CRTAP: variants seen among roughly 807,000 people sequenced by gnomAD.
The protein encoded by CRTAP is cartilage associated protein, also known as cartilage-associated protein.
A neutral mutation model predicts 42.7 loss-of-function variants in CRTAP; 33 were observed. That is an observed-to-expected ratio of 0.77 (90% CI 0.59 to 1.03). The LOEUF is 1.03. Ranked by LOEUF, CRTAP falls within the 50% of genes least tolerant of loss-of-function variation. The pLI, the probability that CRTAP is intolerant of heterozygous loss-of-function variation, is 0.00. For missense variants in CRTAP, 613 were observed against 533.9 expected (o/e 1.15, Z -1.46); for synonymous variants, 243 against 217.7 (o/e 1.12, Z -1.02).
chr3:33,130,555 CAG>C (rs1413672332), intron 4 of CRTAP, among the ~76,000 whole-genome samples: 1 of 80,580 alleles, frequency 1.2e-5, no homozygotes, highest in Non-Finnish European at 2.2e-5. Context: ...TTTTTTGAGA[CAG>C]AGTCTTGCTC....
intron 3 of CRTAP, among the ~76,000 whole-genome samples, chr3:33,126,202 G>A (rs1246475975): frequency 4.6e-5 from 7 of 152,174 alleles, no homozygotes; most frequent in Non-Finnish European, 7.3e-5. Flanking sequence ...GATACATCAC[G>A]TAAGTGGAGT....
intron 1 of CRTAP, among the ~76,000 whole-genome samples, chr3:33,116,078 A>G (rs1469867094): frequency 6.6e-6 from 1 of 152,218 alleles, no homozygotes; most frequent in African/African-American, 2.4e-5. Flanking sequence ...ATATGTTCTG[A>G]ACCAAATTTA....
In CRTAP at chr3:33,129,867, T is replaced by G. The variant is rs992456389; in HGVS notation, c.794-72T>G. 20 of 1,480,696 alleles carry G rather than the reference T, an allele frequency of 1.4e-5. No homozygotes were observed. In the African/African-American group the frequency reaches 2.6e-4, roughly 19 times the overall value. 91.7% of individuals were successfully genotyped at this position (1,480,696 alleles called of 1,614,324 possible). On this transcript the variant is annotated intron_variant, in intron 3 of 6. Coordinates refer to ENST00000320954, the MANE Select transcript of CRTAP (RefSeq NM_006371.5). ...ATATTTTTCTTTTAACTTTTTCATT[T>G]GGGCAGGAGGCAGTAGCATATTAAG...
chr3:33,137,313 G>T (rs1302391070), intron 6 of CRTAP, among the ~76,000 whole-genome samples: 2 of 151,988 alleles, frequency 1.3e-5, no homozygotes, highest in African/African-American at 4.8e-5. Context: ...CTAATTTTTT[G>T]TATTGTTAGT....
At chr3:33,123,939 G>T (rs1023730580) in intron 2 of CRTAP, among the ~76,000 whole-genome samples, 1 of 151,990 alleles carries the variant, frequency 6.6e-6, no homozygotes, top group Non-Finnish European at 1.5e-5. Flanking sequence ...GTTTTATTGA[G>T]GTACTATTTA....
chr3:33,142,013 G>C (rs1041186527), intron 6 of CRTAP, among the ~76,000 whole-genome samples: 13 of 152,292 alleles, frequency 8.5e-5, no homozygotes, highest in African/African-American at 3.1e-4. Flanking sequence ...GAGAAGTTTG[G>C]GTTCTGGTGG....
chr3:33,119,726 G>C (rs1701392789), intron 1 of CRTAP, among the ~76,000 whole-genome samples: 1 of 152,190 alleles, frequency 6.6e-6, no homozygotes, highest in Non-Finnish European at 1.5e-5. Flanking sequence ...GAAAGTTTAA[G>C]AAGGTGGTTA....
intron 5 of CRTAP, among the ~76,000 whole-genome samples, chr3:33,133,926 A>C (rs1174029901): frequency 2.6e-5 from 4 of 152,132 alleles, no homozygotes; most frequent in African/African-American, 9.7e-5. Context: ...CTTGATTTTC[A>C]TAAGTTTGTC....
intron 3 of CRTAP, among the ~76,000 whole-genome samples, chr3:33,125,281 A>AT (rs1258080921): frequency 1.3e-5 from 2 of 152,176 alleles, no homozygotes; most frequent in African/African-American, 4.8e-5. Flanking sequence ...GGATAAAGGT[A>AT]TCATGTCTAT....
Position 33,142,515 on chromosome 3 carries a change from C to A in CRTAP, c.*67C>A, listed in dbSNP as rs886058346. ...CACAGATTCTTTGTCCTTTTCCCAA[C>A]AGCCCAGGCTGTTGATACCTCAGAG... On this transcript the variant is annotated 3_prime_UTR_variant, in exon 7 of 7. Coordinates refer to ENST00000320954, the MANE Select transcript of CRTAP (RefSeq NM_006371.5). 2 of 1,503,206 alleles carry A rather than the reference C, an allele frequency of 1.3e-6. No homozygotes were observed. The highest frequency in any genetic ancestry group is 1.9e-6 in the Non-Finnish European group (2 of 1,079,584). The allele number at this position is 1,503,206 out of a possible 1,614,324, so 93.1% of individuals were successfully genotyped here.
At chr3:33,126,094 A>G (rs558064171) in intron 3 of CRTAP, among the ~76,000 whole-genome samples, 6 of 152,260 alleles carry the variant, frequency 3.9e-5, no homozygotes, top group Middle Eastern at 3.4e-3. Flanking sequence ...TGTTTCCCCA[A>G]ATTGAAACTC....
At chr3:33,125,505 T>G (rs1466023944) in intron 3 of CRTAP, among the ~76,000 whole-genome samples, 3 of 146,578 alleles carry the variant, frequency 2.0e-5, no homozygotes, top group Admixed American at 6.8e-5. Context: ...TTTTTTTTTT[T>G]TTTTTTTTTT....
intron 5 of CRTAP, 69 bp downstream of exon 5, chr3:33,132,769 A>G: frequency 1.3e-6 from 2 of 1,579,946 alleles, no homozygotes; most frequent in East Asian, 4.5e-5. Flanking sequence ...CTCGTGCCTT[A>G]AGAGAAAGGG....
At chr3:33,122,285 G>GCTGCCCCGCTGCTT (rs1386622102) in intron 2 of CRTAP, among the ~76,000 whole-genome samples, 1 of 151,922 alleles carries the variant, frequency 6.6e-6, no homozygotes, top group Non-Finnish European at 1.5e-5. Flanking sequence ...TGCTGCTGCT[G>GCTGCCCCGCTGCTT]CTGCCCCGCT....
In CRTAP at chr3:33,114,234, G is replaced by A. The variant is rs752802071; in HGVS notation, c.157G>A (p.Asp53Asn). ...PLESAYRHAL[D>N]KYSGEHWAES... is the part of the protein sequence containing the mutation. Reference sequence around the variant, plus strand: ...CGAGTCGGCCTACCGGCACGCGCTGGACAAGTACAGCGGCGAGCACTGGGC... The same window carrying A: ...CGAGTCGGCCTACCGGCACGCGCTGAACAAGTACAGCGGCGAGCACTGGGC... Residue 53 changes from aspartate (D) to asparagine (N), a missense_variant, in exon 1 of 7, where the codon GAC becomes AAC. Asp to Asn is a conservative substitution (Grantham distance 23). Coordinates refer to ENST00000320954, the MANE Select transcript of CRTAP (RefSeq NM_006371.5). The A allele has an allele frequency of 1.0e-5, 16 of 1,591,872 alleles. No homozygotes were observed. Among genetic ancestry groups the A allele is most frequent in the Middle Eastern group, 1.7e-4 (1 of 5,934 alleles).
chr3:33,128,857 T>C (rs2030153431), intron 3 of CRTAP, among the ~76,000 whole-genome samples: 1 of 152,202 alleles, frequency 6.6e-6, no homozygotes. Context: ...CCAAGGATCA[T>C]GTGGGAGATT....
chr3:33,124,410 C>T lies in CRTAP; in HGVS notation c.624C>T (p.Ser208=), dbSNP rs758693933. ...ACTGGCTTCTCCATGCCTTTCAGAG[C>T]CTGTTCATCCGAGCAGTGCGGGCAT... is the stretch of plus-strand genomic sequence containing the variant. ...IKDLETKSYE[S]LFIRAVRAYN... The change falls in exon 3 of 7, where the codon AGC becomes AGT. Residue 208 remains serine (S), a splice_region_variant and synonymous_variant. Transcript: ENST00000320954. The T allele has an allele frequency of 2.5e-6, 4 of 1,614,066 alleles. No individual in the cohort carries two copies. The highest frequency in any genetic ancestry group is 3.4e-6 in the Non-Finnish European group (4 of 1,180,026).
chr3:33,114,675 G>T lies in CRTAP; in HGVS notation c.471+127G>T, dbSNP rs148283125. The T allele has an allele frequency of 1.7e-3, 1,451 of 846,154 alleles. 16 individuals carry two copies. The African/African-American group carries it at 0.021, about 12-fold the overall frequency. 52.4% of individuals were successfully genotyped at this position (846,154 alleles called of 1,614,324 possible). ...TCTAGACCTGGCTCCCTCCCATCCA[G>T]CCCTGCCAAAGGTCTCCTCCAAGTC... On this transcript the variant is annotated intron_variant, in intron 1 of 6. Coordinates refer to ENST00000320954, the MANE Select transcript of CRTAP (RefSeq NM_006371.5).
chr3:33,137,421 G>A (rs556342403), intron 6 of CRTAP, among the ~76,000 whole-genome samples: 113 of 152,304 alleles, frequency 7.4e-4, no homozygotes, highest in Middle Eastern at 3.4e-3. Context: ...GATTACAGGC[G>A]TGAGCTACTG....
Sources: allele counts gnomAD v4.1 joint callset (sites outside exome capture counted in the v4.1 genomes callset), GRCh38; gene constraint gnomAD v4.1.1; transcripts MANE v1.5; gene names NCBI Gene and HGNC (gene_info 2026-07-23, HGNC 2026-07-21).